The following GLRB variants were observed in gnomAD, a reference collection of about 807,000 sequenced individuals.
The protein encoded by GLRB is glycine receptor beta.
GLRB carries 33 observed loss-of-function variants against 54.2 expected under a neutral mutation model. The observed-to-expected ratio is 0.61, with a 90% CI of 0.46 to 0.81. The LOEUF is 0.81. GLRB is among the 40% of genes least tolerant of loss of function. The pLI, the probability that GLRB is intolerant of heterozygous loss-of-function variation, is 0.00. For synonymous variants in GLRB, 209 were observed against 208.2 expected (o/e 1.00, Z -0.03); for missense variants, 572 against 584.6 (o/e 0.98, Z 0.22).
chr4:157,115,715 CAG>C (rs1735584544), intron 2 of GLRB, among the ~76,000 whole-genome samples: 1 of 151,686 alleles, frequency 6.6e-6, no homozygotes, highest in African/African-American at 2.4e-5. Context: ...ATCAGATTTT[CAG>C]AGACATCTGT....
chr4:157,141,837 G>C (rs1736627608), intron 7 of GLRB, among the ~76,000 whole-genome samples: 1 of 151,986 alleles, frequency 6.6e-6, no homozygotes, highest in Non-Finnish European at 1.5e-5. Flanking sequence ...TCATAAAAGG[G>C]ACACGATGGA....
In GLRB at chr4:157,076,224, C is replaced by T. The variant is rs1167797802; in HGVS notation, c.-103C>T. On this transcript the variant is annotated 5_prime_UTR_variant, in exon 1 of 10. Transcript: ENST00000264428. The stretch of plus-strand genomic sequence containing the variant: ...GCCCCCGCTCGGCGCCCGCTGCACC[C>T]TTAGCAGCCACTGCCACCTGGGCCC... 2 of 150,830 alleles carry T rather than the reference C, an allele frequency of 1.3e-5. No homozygotes were observed. The highest frequency in any genetic ancestry group is 4.8e-5 in the African/African-American group (2 of 41,352). 9.3% of individuals were successfully genotyped at this position (150,830 alleles called of 1,614,324 possible). A position where few individuals can be genotyped will look rare whatever the true frequency, so the allele number is the denominator to read the frequency against.
intron 7 of GLRB, among the ~76,000 whole-genome samples, chr4:157,139,787 A>C (rs1256840889): frequency 6.6e-6 from 1 of 152,018 alleles, no homozygotes; most frequent in African/African-American, 2.4e-5. Flanking sequence ...AATATTCAGA[A>C]ATAGATATAA....
intron 2 of GLRB, among the ~76,000 whole-genome samples, chr4:157,088,521 A>T (rs750478262): frequency 9.9e-5 from 15 of 151,770 alleles, no homozygotes; most frequent in Non-Finnish European, 1.8e-4. Context: ...CTCTCTCCAC[A>T]TTGTTTCTGT....
intron 2 of GLRB, among the ~76,000 whole-genome samples, chr4:157,082,051 T>C (rs1734240001): frequency 6.6e-6 from 1 of 152,180 alleles, no homozygotes; most frequent in Non-Finnish European, 1.5e-5. Context: ...AATGTTTTTC[T>C]TCTTTTTAGT....
At chr4:157,099,736 T>C (rs1195462140) in intron 2 of GLRB, among the ~76,000 whole-genome samples, 1 of 152,206 alleles carries the variant, frequency 6.6e-6, no homozygotes, top group Non-Finnish European at 1.5e-5. Flanking sequence ...AGGATATATG[T>C]TTGTTGAACT....
At chr4:157,140,531 C>T (rs1022079263) in intron 7 of GLRB, among the ~76,000 whole-genome samples, 1 of 151,876 alleles carries the variant, frequency 6.6e-6, no homozygotes, top group African/African-American at 2.4e-5. Context: ...TGATCTCTCG[C>T]TATACTAGGC....
chr4:157,105,017 T>G (rs974086903), intron 2 of GLRB, among the ~76,000 whole-genome samples: 1 of 151,740 alleles, frequency 6.6e-6, no homozygotes, highest in East Asian at 1.9e-4. Context: ...TATTTAAAAA[T>G]TTTTTAAATT....
In GLRB at chr4:157,153,026, T is replaced by A. The variant is rs772249937; in HGVS notation, c.1197+16T>A. 1 of 1,601,676 alleles carries A rather than the reference T, an allele frequency of 6.2e-7. No individual in the cohort carries two copies. Among genetic ancestry groups the A allele is most frequent in the South Asian group, 1.1e-5 (1 of 90,822 alleles). Reference sequence around the variant, plus strand: ...CACTTTGCAGGTAAGGATAAAATTATGCCATGAAATCATTTCCCCCAACCA... The same window carrying A: ...CACTTTGCAGGTAAGGATAAAATTAAGCCATGAAATCATTTCCCCCAACCA... On this transcript the variant is annotated intron_variant, in intron 9 of 9. Coordinates refer to ENST00000264428, the MANE Select transcript of GLRB (RefSeq NM_000824.5).
chr4:157,087,329 C>T (rs1734447583), intron 2 of GLRB, among the ~76,000 whole-genome samples: 1 of 152,082 alleles, frequency 6.6e-6, no homozygotes, highest in Admixed American at 6.6e-5. Context: ...TCCTTTAGCA[C>T]TTTTGCTAAT....
chr4:157,108,996 T>G (rs1211059168), intron 2 of GLRB, among the ~76,000 whole-genome samples: 1 of 152,110 alleles, frequency 6.6e-6, no homozygotes, highest in African/African-American at 2.4e-5. Flanking sequence ...CTCAGATGAT[T>G]GTTAGCATTT....
At chr4:157,147,564 C>A (rs1388677292) in intron 8 of GLRB, among the ~76,000 whole-genome samples, 1 of 152,136 alleles carries the variant, frequency 6.6e-6, no homozygotes, top group Non-Finnish European at 1.5e-5. Flanking sequence ...GAATAAAAGT[C>A]AAGAAAGTGT....
At chr4:157,081,963 A>G (rs981447885) in intron 2 of GLRB, among the ~76,000 whole-genome samples, 1 of 152,128 alleles carries the variant, frequency 6.6e-6, no homozygotes. Context: ...CCTCTGCCTA[A>G]GCCTCACACG....
intron 9 of GLRB, among the ~76,000 whole-genome samples, chr4:157,165,003 C>T (rs1306033316): frequency 2.6e-5 from 4 of 152,070 alleles, no homozygotes; most frequent in Non-Finnish European, 5.9e-5. Flanking sequence ...ACTGCTGTGA[C>T]ATTTTGCTTC....
intron 9 of GLRB, among the ~76,000 whole-genome samples, chr4:157,160,378 T>C (rs577423166): frequency 1.3e-5 from 2 of 152,280 alleles, no homozygotes; most frequent in Non-Finnish European, 2.9e-5. Context: ...CTGCTAGCTT[T>C]TGAATGTTTT....
Position 157,161,566 on chromosome 4 carries a change from A to T in GLRB, c.1197+8556A>T, listed in dbSNP as rs575796173. Among the ~76,000 whole-genome samples, 5 of 152,104 alleles carry T rather than the reference A, an allele frequency of 3.3e-5. No individual in the cohort carries two copies. In the East Asian group the frequency reaches 9.7e-4, roughly 30 times the overall value. On this transcript the variant is annotated intron_variant, in intron 9 of 9. Transcript: ENST00000264428. ...CTCAGCATTTGCTTGTCTGTAAAGG[A>T]TTTTATTTCTCCTTCACTTATGAAG... is the stretch of plus-strand genomic sequence containing the variant.
chr4:157,151,966 T>C (rs1489598384), intron 8 of GLRB, among the ~76,000 whole-genome samples: 1 of 152,136 alleles, frequency 6.6e-6, no homozygotes, highest in Non-Finnish European at 1.5e-5. Flanking sequence ...AAAATATATT[T>C]CATCATCTTC....
chr4:157,138,532 G>T (rs1018909809), intron 6 of GLRB, among the ~76,000 whole-genome samples: 1 of 152,126 alleles, frequency 6.6e-6, no homozygotes, highest in African/African-American at 2.4e-5. Flanking sequence ...CTGACATAGA[G>T]AAATAAGTTA....
chr4:157,138,786 C>A (rs557571613), intron 6 of GLRB, 23 bp from the exon 7 acceptor site: 73 of 1,207,638 alleles, frequency 6.0e-5, no homozygotes, highest in Non-Finnish European at 8.8e-5. Flanking sequence ...TTTAAACTAA[C>A]ATTTATTTGT....
Sources: allele counts gnomAD v4.1 joint callset (sites outside exome capture counted in the v4.1 genomes callset), GRCh38; gene constraint gnomAD v4.1.1; transcripts MANE v1.5; gene names NCBI Gene and HGNC (gene_info 2026-07-23, HGNC 2026-07-21).